MYL4: variants seen among roughly 807,000 people sequenced by gnomAD.
The protein encoded by MYL4 is myosin light chain 4, also known as atrial myosin light chain 1.
Under a neutral mutation model 21.6 loss-of-function variants are expected in MYL4, and 16 were observed. That is an observed-to-expected ratio of 0.74 (90% CI 0.50 to 1.12). The LOEUF (loss-of-function observed/expected upper bound fraction) is 1.12, where lower values mean the gene tolerates loss of function less well. MYL4 is among the 50% of genes most tolerant of loss of function. MYL4 has a pLI of 0.00. For synonymous variants in MYL4, 82 were observed against 95.7 expected, an observed-to-expected ratio of 0.86 and a Z score of 0.83; for missense variants, 249 against 252.9, an observed-to-expected ratio of 0.98 and a Z score of 0.11.
chr17:47,199,405 C>T (rs1475301314), upstream of MYL4, among the ~76,000 whole-genome samples: 1 of 151,896 alleles, frequency 6.6e-6, no homozygotes, highest in Non-Finnish European at 1.5e-5. Flanking sequence ...TTTAGTTGCG[C>T]ACCTTCTTTC....
chr17:47,195,823 T>C (rs984830854), upstream of MYL4, among the ~76,000 whole-genome samples: 1 of 152,256 alleles, frequency 6.6e-6, no homozygotes, highest in Non-Finnish European at 1.5e-5. Flanking sequence ...GACTTGTCAT[T>C]ACTCCCATCA....
At chr17:47,191,975 G>T in the MYL4 span, among the ~76,000 whole-genome samples, 6 of 152,200 alleles carry the variant, frequency 3.9e-5, no homozygotes, top group African/African-American at 1.4e-4. Flanking sequence ...TCTAGAGTCA[G>T]CATTTAAAGA....
chr17:47,217,916 C>T (rs1045399468), intron 2 of MYL4, among the ~76,000 whole-genome samples: 1 of 151,922 alleles, frequency 6.6e-6, no homozygotes, highest in Non-Finnish European at 1.5e-5. Flanking sequence ...GCCTGTAATG[C>T]CTGTAATCCT....
At chr17:47,220,473 T>G (rs2064847734) in intron 3 of MYL4, among the ~76,000 whole-genome samples, 1 of 152,268 alleles carries the variant, frequency 6.6e-6, no homozygotes, top group Non-Finnish European at 1.5e-5. Flanking sequence ...AACAATTTGT[T>G]TCTAATAATG....
At chr17:47,197,167 C>T (rs1237435652), upstream of MYL4, among the ~76,000 whole-genome samples, 2 of 145,074 alleles carry the variant, frequency 1.4e-5, no homozygotes, top group African/African-American at 2.6e-5. Flanking sequence ...GGCGCTATCT[C>T]GGCTCACTGC....
At chr17:47,227,448 T>C (rs1159413587), downstream of MYL4, among the ~76,000 whole-genome samples, 5 of 152,216 alleles carry the variant, frequency 3.3e-5, no homozygotes, top group Non-Finnish European at 5.9e-5. Flanking sequence ...TTGAACAACA[T>C]AGGCTTGAAC....
the MYL4 span, among the ~76,000 whole-genome samples, chr17:47,190,059 G>T: frequency 6.6e-6 from 1 of 152,168 alleles, no homozygotes; most frequent in Non-Finnish European, 1.5e-5. Flanking sequence ...GGAAAAATGG[G>T]ATCAGTCTGC....
chr17:47,218,054 A>C (rs546520103), intron 2 of MYL4, among the ~76,000 whole-genome samples: 11 of 152,118 alleles, frequency 7.2e-5, no homozygotes, highest in Middle Eastern at 3.4e-3. Flanking sequence ...AAAAAAAAAA[A>C]AAACAAAAAA....
intron 2 of MYL4, among the ~76,000 whole-genome samples, chr17:47,218,746 C>T (rs1159905197): frequency 6.6e-6 from 1 of 152,178 alleles, no homozygotes; most frequent in Non-Finnish European, 1.5e-5. Context: ...GAGATCACAC[C>T]ACTGTACTCC....
upstream of MYL4, among the ~76,000 whole-genome samples, chr17:47,204,952 C>A (rs902969513): frequency 1.3e-5 from 2 of 152,156 alleles, no homozygotes; most frequent in Admixed American, 1.3e-4. Flanking sequence ...AGGAACAAGG[C>A]ATTAACAGCC....
At chr17:47,201,839 T>C (rs1385596709) in intron 1 of MYL4, among the ~76,000 whole-genome samples, 1 of 152,168 alleles carries the variant, frequency 6.6e-6, no homozygotes, top group East Asian at 1.9e-4. Context: ...ATACTTTTAA[T>C]GTGTATTTTT....
chr17:47,214,750 TTGTG>T (rs1466993671), intron 2 of MYL4, among the ~76,000 whole-genome samples: 1 of 152,264 alleles, frequency 6.6e-6, no homozygotes, highest in Non-Finnish European at 1.5e-5. Context: ...ATACACAAGT[TTGTG>T]TGTATGTATG....
chr17:47,202,770 T>C (rs2064714302), intron 1 of MYL4, among the ~76,000 whole-genome samples: 1 of 152,210 alleles, frequency 6.6e-6, no homozygotes, highest in African/African-American at 2.4e-5. Flanking sequence ...ATTTAAACTT[T>C]TCTTGTTTTT....
chr17:47,189,913 T>A, the MYL4 span, among the ~76,000 whole-genome samples: 1 of 152,148 alleles, frequency 6.6e-6, no homozygotes, highest in Non-Finnish European at 1.5e-5. Flanking sequence ...TGGTGCCTAT[T>A]ATAAGTAATA....
chr17:47,220,667 T>C (rs2064849132), intron 3 of MYL4, among the ~76,000 whole-genome samples: 1 of 152,186 alleles, frequency 6.6e-6, no homozygotes, highest in Non-Finnish European at 1.5e-5. Context: ...CTAAGTGTGA[T>C]CATTGAGTGT....
intron 6 of MYL4, 118 bp downstream of exon 6, chr17:47,223,175 G>A (rs979904228): frequency 7.7e-6 from 8 of 1,033,634 alleles, no homozygotes; most frequent in Non-Finnish European, 1.1e-5. Context: ...AAACCTCTTG[G>A]GATCAGGAAG....
the MYL4 span, among the ~76,000 whole-genome samples, chr17:47,190,114 T>G: frequency 2.6e-5 from 4 of 152,338 alleles, no homozygotes; most frequent in Admixed American, 2.6e-4. Context: ...GAAGAGATCA[T>G]GGAAAAGCTC....
At chr17:47,222,232 T>C in intron 4 of MYL4, 148 bp from the exon 5 acceptor site, 1 of 790,776 alleles carries the variant, frequency 1.3e-6, no homozygotes, top group Non-Finnish European at 2.1e-6. Flanking sequence ...GGCCGCACCC[T>C]TCAGAACCTC....
upstream of MYL4, among the ~76,000 whole-genome samples, chr17:47,197,870 G>A (rs1320712309): frequency 6.6e-6 from 1 of 152,208 alleles, no homozygotes; most frequent in East Asian, 1.9e-4. Flanking sequence ...ATAAAGGCAG[G>A]AGACTATAAG....
Sources: allele counts gnomAD v4.1 joint callset (sites outside exome capture counted in the v4.1 genomes callset), GRCh38; gene constraint gnomAD v4.1.1; transcripts MANE v1.5; gene names NCBI Gene and HGNC (gene_info 2026-07-23, HGNC 2026-07-21).